The following PRSS23 variants were observed in gnomAD, a reference collection of about 807,000 sequenced individuals.
PRSS23 encodes the protein protease, serine 23.
In PRSS23, 25 loss-of-function variants were observed where a neutral mutation model predicts 34.7. That is an observed-to-expected ratio of 0.72 (90% CI 0.53 to 1.01). The LOEUF is 1.01. Ranked by LOEUF, PRSS23 falls within the 50% of genes least tolerant of loss-of-function variation. The probability of loss-of-function intolerance (pLI) is 0.00; values close to 1 mark genes in which losing one functional copy is unlikely to be tolerated. For missense variants in PRSS23, 445 were observed against 475.6 expected (o/e 0.94, Z 0.60); for synonymous variants, 176 against 186.6 (o/e 0.94, Z 0.46).
Position 86,808,394 on chromosome 11 carries a change from G to A in PRSS23, c.751G>A (p.Glu251Lys). Residue 251 changes from glutamate to lysine, a missense_variant, in exon 2 of 2, where the codon GAA (glutamate) becomes AAA (lysine). By Grantham distance (56) the Glu-to-Lys change is moderately conservative. Coordinates refer to ENST00000280258, the MANE Select transcript of PRSS23 (RefSeq NM_007173.6). ...CATGGATTATGATTATGCCCTCCTGGAACTCAAAAAGCCCCACAAGAGAAA... is the reference window on the plus strand; with the variant it reads ...CATGGATTATGATTATGCCCTCCTGAAACTCAAAAAGCCCCACAAGAGAAA... ...IGMDYDYALL[E>K]LKKPHKRKFM... The A allele has an allele frequency of 1.2e-6, 2 of 1,614,190 alleles. No homozygotes were observed. Among genetic ancestry groups the A allele is most frequent in the Non-Finnish European group, 1.7e-6 (2 of 1,180,052 alleles).
At chr11:86,867,700 T>A (rs1948658804) in intron 2 of PRSS23, among the ~76,000 whole-genome samples, 1 of 151,834 alleles carries the variant, frequency 6.6e-6, no homozygotes, top group African/African-American at 2.4e-5. Flanking sequence ...GGCAACATAG[T>A]GAGACCCTGT....
chr11:86,866,857 T>A (rs887623305), intron 2 of PRSS23, among the ~76,000 whole-genome samples: 4 of 152,120 alleles, frequency 2.6e-5, no homozygotes, highest in Admixed American at 2.6e-4. Flanking sequence ...GATCTCCACA[T>A]ACACCAGCTC....
intron 1 of PRSS23, among the ~76,000 whole-genome samples, chr11:86,805,445 C>T (rs564989506): frequency 2.0e-5 from 3 of 152,282 alleles, no homozygotes; most frequent in African/African-American, 2.4e-5. Flanking sequence ...CATACAAACA[C>T]GTGTGTGCAC....
chr11:86,883,633 A>G (rs1049238628), intron 2 of PRSS23, among the ~76,000 whole-genome samples: 2 of 152,212 alleles, frequency 1.3e-5, no homozygotes, highest in Admixed American at 1.3e-4. Context: ...TAAAAGCAAA[A>G]ATAGATGAAT....
intron 2 of PRSS23, among the ~76,000 whole-genome samples, chr11:86,838,824 T>A (rs1185985898): frequency 2.0e-5 from 3 of 152,140 alleles, no homozygotes; most frequent in African/African-American, 7.2e-5. Flanking sequence ...CCACTGGTGA[T>A]GCCCAGGCAA....
In PRSS23 at chr11:86,808,670, C is replaced by G; in HGVS notation, c.1027C>G (p.His343Asp). 6.2e-7 allele frequency: 1 copy of G among 1,614,138 alleles called. No homozygotes were observed. Among genetic ancestry groups the G allele is most frequent in the Non-Finnish European group, 8.5e-7 (1 of 1,180,030 alleles). ...ERKIIGIFSG[H>D]QWVDMNGSPQ... ...AAAAATTATTGGCATTTTTTCAGGG[C>G]ACCAGTGGGTGGACATGAATGGTTC... Residue 343 changes from histidine to aspartate, a missense_variant, in exon 2 of 2, where the codon CAC (histidine) becomes GAC (aspartate). By Grantham distance (81) the His-to-Asp change is moderately conservative (BLOSUM62 -1). Transcript: ENST00000280258.
At chr11:86,897,604 C>T (rs1948885334) in intron 2 of PRSS23, among the ~76,000 whole-genome samples, 1 of 151,962 alleles carries the variant, frequency 6.6e-6, no homozygotes, top group Non-Finnish European at 1.5e-5. Context: ...TCCTGAGTGG[C>T]TAGAATTATA....
intron 2 of PRSS23, among the ~76,000 whole-genome samples, chr11:86,863,143 C>T (rs1037984192): frequency 1.2e-4 from 19 of 152,040 alleles, no homozygotes; most frequent in African/African-American, 4.6e-4. Context: ...TAAGTAGATA[C>T]GACTCCTAAT....
chr11:86,827,741 T>A lies in PRSS23; in HGVS notation c.206+4148T>A, dbSNP rs1359071667. Among the ~76,000 whole-genome samples, 3 of 152,348 alleles carry A rather than the reference T, an allele frequency of 2.0e-5. 1 individual carries two copies. Among genetic ancestry groups the A allele is most frequent in the African/African-American group, 7.2e-5 (3 of 41,574 alleles). On this transcript the variant is annotated intron_variant, in intron 2 of 2. Transcript: ENST00000533902. ...AGAACAACTTTATTTCTGCCTTCAT[T>A]TCGTTATGTACCCAGTAGTCATTCA... is the stretch of plus-strand genomic sequence containing the variant.
chr11:86,813,114 A>G (rs191482464), downstream of PRSS23, among the ~76,000 whole-genome samples: 1 of 152,306 alleles, frequency 6.6e-6, no homozygotes, highest in Admixed American at 6.5e-5. Context: ...CTTCTCAGAT[A>G]ACACCAGCTC....
chr11:86,837,012 G>A (rs1215007023), intron 2 of PRSS23: 4 of 152,034 alleles, frequency 2.6e-5, no homozygotes, highest in Admixed American at 2.6e-4. Flanking sequence ...ATTGAGTTTT[G>A]TGTTATTCAC....
At chr11:86,887,005 G>C (rs896475565) in intron 2 of PRSS23, among the ~76,000 whole-genome samples, 6 of 152,100 alleles carry the variant, frequency 3.9e-5, no homozygotes, top group Non-Finnish European at 8.8e-5. Context: ...GTAGTCAAAC[G>C]ATGGAATTAT....
Position 86,882,764 on chromosome 11 carries a change from T to C in PRSS23, c.206+59171T>C, listed in dbSNP as rs188821989. ...AATGGTATTTCTGACCTTAGTTCTT[T>C]GAAGAATCGCCACATTGTCTTCCAC... is the stretch of plus-strand genomic sequence containing the variant. On this transcript the variant is annotated intron_variant, in intron 2 of 2. Coordinates refer to the PRSS23 transcript ENST00000533902. Among the ~76,000 whole-genome samples, 828 of 152,328 alleles carry C rather than the reference T, an allele frequency of 5.4e-3. 5 individuals are homozygous for C. The highest frequency in any genetic ancestry group is 8.5e-3 in the Non-Finnish European group (576 of 68,014).
intron 2 of PRSS23, chr11:86,946,286 C>A (rs1294391928): frequency 1.3e-5 from 2 of 152,100 alleles, no homozygotes; most frequent in Non-Finnish European, 2.9e-5. Context: ...GGCTCTTGCC[C>A]CTCTTTTCAG....
intron 2 of PRSS23, among the ~76,000 whole-genome samples, chr11:86,878,252 C>CGTCTCCCTCTCCCTCATCTCT (rs1948739346): frequency 1.0e-4 from 15 of 147,080 alleles, no homozygotes; most frequent in African/African-American, 3.5e-4. Flanking sequence ...CCCTCATCTC[C>CGTCTCCCTCTCCCTCATCTCT]GTCTCCCTCT....
intron 2 of PRSS23, chr11:86,909,971 A>T (rs1317603617): frequency 6.6e-6 from 1 of 152,116 alleles, no homozygotes; most frequent in Non-Finnish European, 1.5e-5. Flanking sequence ...ACTCATCAAC[A>T]CTCTTTTCAA....
intron 2 of PRSS23, among the ~76,000 whole-genome samples, chr11:86,842,773 G>A (rs568688725): frequency 6.6e-6 from 1 of 152,302 alleles, no homozygotes; most frequent in African/African-American, 2.4e-5. Context: ...AATAAAAGAG[G>A]ACGCCAAGAA....
At chr11:86,896,903 A>G (rs1188306690) in intron 2 of PRSS23, among the ~76,000 whole-genome samples, 1 of 152,226 alleles carries the variant, frequency 6.6e-6, no homozygotes, top group African/African-American at 2.4e-5. Flanking sequence ...GGTTAACAAA[A>G]CGCCATCCTA....
intron 2 of PRSS23, among the ~76,000 whole-genome samples, chr11:86,940,085 A>G (rs2135026070): frequency 6.6e-6 from 1 of 152,290 alleles, no homozygotes; most frequent in East Asian, 1.9e-4. Flanking sequence ...TGAGTCCCGA[A>G]GAGCTGGTGG....
Sources: allele counts gnomAD v4.1 joint callset (sites outside exome capture counted in the v4.1 genomes callset), GRCh38; gene constraint gnomAD v4.1.1; transcripts MANE v1.5; gene names NCBI Gene and HGNC (gene_info 2026-07-23, HGNC 2026-07-21).